Variants in C12orf42 observed in about 807,000 individuals in gnomAD.
C12orf42 encodes chromosome 12 open reading frame 42, also known as uncharacterized protein C12orf42.
A neutral mutation model predicts 21.6 loss-of-function variants in C12orf42; 25 were observed. The observed-to-expected ratio is 1.16, with a 90% CI of 0.84 to 1.62. The LOEUF (loss-of-function observed/expected upper bound fraction) is 1.62. C12orf42 is among the 40% of genes most tolerant of loss of function. The pLI is 0.00. For missense variants in C12orf42, 483 were observed against 459.3 expected, an observed-to-expected ratio of 1.05 and a Z score of -0.47; for synonymous variants, 174 against 175.0, an observed-to-expected ratio of 0.99 and a Z score of 0.05.
the C12orf42 span, among the ~76,000 whole-genome samples, chr12:103,099,575 A>T: frequency 6.6e-6 from 1 of 152,344 alleles, no homozygotes; most frequent in Admixed American, 6.5e-5. Context: ...GAAGCCAATT[A>T]TAACAGATAT....
chr12:103,167,821 G>A, the C12orf42 span, among the ~76,000 whole-genome samples: 15 of 151,596 alleles, frequency 9.9e-5, no homozygotes, highest in Non-Finnish European at 2.9e-5. Flanking sequence ...TTAAATGGAG[G>A]TAAAAAGTAA....
chr12:103,539,843 T>C, the C12orf42 span, among the ~76,000 whole-genome samples: 1 of 152,040 alleles, frequency 6.6e-6, no homozygotes. Flanking sequence ...CTTCCCAAAG[T>C]GCAGGGACTA....
chr12:103,550,942 A>C, the C12orf42 span, among the ~76,000 whole-genome samples: 5 of 152,136 alleles, frequency 3.3e-5, no homozygotes, highest in East Asian at 9.6e-4. Context: ...AATGAGGATT[A>C]TCTATAGTTT....
the C12orf42 span, among the ~76,000 whole-genome samples, chr12:103,145,754 A>G: frequency 7.9e-5 from 12 of 152,244 alleles, no homozygotes; most frequent in Admixed American, 7.9e-4. Flanking sequence ...GGATGAATAA[A>G]CTATGGTACA....
chr12:103,444,621 T>C (rs919501564), intron 2 of C12orf42, among the ~76,000 whole-genome samples: 1 of 152,080 alleles, frequency 6.6e-6, no homozygotes. Context: ...ATACTCATGT[T>C]TGTCTAATTG....
At chr12:103,267,889 G>C (rs2035248316), downstream of C12orf42, 1 of 152,126 alleles carries the variant, frequency 6.6e-6, no homozygotes, top group South Asian at 2.1e-4. Flanking sequence ...AACAAAATCT[G>C]AAGCAGAGAA....
intron 10 of C12orf42, among the ~76,000 whole-genome samples, chr12:103,241,399 T>C (rs899021298): frequency 3.9e-5 from 6 of 152,138 alleles, no homozygotes; most frequent in Non-Finnish European, 8.8e-5. Context: ...ACTGAACAGA[T>C]CAAGTAACCA....
intron 3 of C12orf42, among the ~76,000 whole-genome samples, chr12:103,391,258 A>G (rs1166797717): frequency 6.6e-6 from 1 of 152,100 alleles, no homozygotes; most frequent in Non-Finnish European, 1.5e-5. Flanking sequence ...CTGGTATACA[A>G]GTATCCATTT....
Position 103,302,405 on chromosome 12 carries a change from T to C in C12orf42, c.786A>G (p.Gln262=). Residue 262 remains glutamine, a synonymous_variant, in exon 6 of 6, where the codon CAA becomes CAG. Transcript: ENST00000548883. ...AGAQAHPDDI[Q]SRLLGASGNP... The stretch of plus-strand genomic sequence containing the variant: ...TTCCGGACGCGCCCAGGAGTCTGCT[T>C]TGGATGTCGTCGGGGTGTGCCTGAG... 5.0e-6 allele frequency: 8 copies of C among 1,613,790 alleles called. No homozygotes were observed. Among genetic ancestry groups the C allele is most frequent in the Non-Finnish European group, 5.9e-6 (7 of 1,179,824 alleles).
At position 103,484,484 on chromosome 12, in the gene C12orf42, C is replaced by T. The variant is rs181642475; in HGVS notation, c.-21-6037G>A. Among the ~76,000 whole-genome samples the T allele has an allele frequency of 1.1e-4, 17 of 152,202 alleles. 1 individual carries two copies. In the East Asian group the frequency reaches 3.3e-3, roughly 29 times the overall value. ...TCTTTTGAGAAGTGTCTGTTAGTAT[C>T]CTTTGCCCACTTTTCAATGGGGTTG... On this transcript the variant is annotated intron_variant, in intron 1 of 5. Transcript: ENST00000548883.
At chr12:103,497,345 A>G (rs1395151904), upstream of C12orf42, among the ~76,000 whole-genome samples, 1 of 152,254 alleles carries the variant, frequency 6.6e-6, no homozygotes, top group Non-Finnish European at 1.5e-5. Flanking sequence ...ATGCCCTTCA[A>G]TCTACAAGGT....
At chr12:103,511,666 G>C in the C12orf42 span, among the ~76,000 whole-genome samples, 1 of 151,974 alleles carries the variant, frequency 6.6e-6, no homozygotes, top group South Asian at 2.1e-4. Context: ...AGTGCATCTT[G>C]AAAAAATAAA....
At chr12:103,368,244 T>G in intron 4 of C12orf42, 1 of 422,230 alleles carries the variant, frequency 2.4e-6, no homozygotes, top group East Asian at 7.2e-5. Context: ...CCTGTATCAA[T>G]TTATTTAGGG....
chr12:103,550,815 T>G, the C12orf42 span, among the ~76,000 whole-genome samples: 1 of 152,154 alleles, frequency 6.6e-6, no homozygotes, highest in African/African-American at 2.4e-5. Flanking sequence ...CATATTTCTA[T>G]TAGGATGTTG....
At chr12:103,453,520 A>G (rs2137530785) in intron 2 of C12orf42, among the ~76,000 whole-genome samples, 1 of 152,010 alleles carries the variant, frequency 6.6e-6, no homozygotes, top group South Asian at 2.1e-4. Flanking sequence ...TCAAAAATCT[A>G]ACTTTTGGTT....
the C12orf42 span, among the ~76,000 whole-genome samples, chr12:103,561,077 T>G: frequency 1.3e-5 from 2 of 152,248 alleles, 1 homozygote; most frequent in South Asian, 4.1e-4. Flanking sequence ...TCTCCCTGCT[T>G]GATCACTCTG....
the C12orf42 span, among the ~76,000 whole-genome samples, chr12:103,139,222 A>C: frequency 6.6e-6 from 1 of 152,270 alleles, no homozygotes; most frequent in Non-Finnish European, 1.5e-5. Flanking sequence ...TTTATCAATA[A>C]AGCGCATTAT....
At chr12:103,393,109 G>A (rs2047211898) in intron 3 of C12orf42, among the ~76,000 whole-genome samples, 1 of 143,010 alleles carries the variant, frequency 7.0e-6, no homozygotes, top group Admixed American at 6.8e-5. Flanking sequence ...CAGTTTCTGT[G>A]TTAGTCCATT....
chr12:103,459,475 C>A (rs1231881165), intron 2 of C12orf42, among the ~76,000 whole-genome samples: 1 of 152,096 alleles, frequency 6.6e-6, no homozygotes, highest in Non-Finnish European at 1.5e-5. Flanking sequence ...CCTGCTCTTG[C>A]TCCCACTCTC....
Sources: gnomAD v4.1 joint callset for allele counts (sites outside exome capture counted in the v4.1 genomes callset) on GRCh38, gnomAD v4.1.1 for gene constraint, MANE v1.5 for transcripts, NCBI Gene and HGNC (gene_info 2026-07-23, HGNC 2026-07-21) for gene names.